Variants in PRKN observed in about 807,000 individuals in gnomAD.
PRKN encodes the protein E3 ubiquitin-protein ligase parkin.
PRKN carries 56 observed loss-of-function variants against 59.5 expected under a neutral mutation model. The observed-to-expected ratio is 0.94, with a 90% CI of 0.76 to 1.18. The LOEUF (loss-of-function observed/expected upper bound fraction) is 1.18, where lower values mean the gene tolerates loss of function less well. Ranked by LOEUF, PRKN falls within the 50% of genes most tolerant of loss-of-function variation. The probability of loss-of-function intolerance (pLI) is 0.00; values close to 1 mark genes in which losing one functional copy is unlikely to be tolerated. For synonymous variants in PRKN, 250 were observed against 222.1 expected (o/e 1.13, Z -1.12); for missense variants, 657 against 596.4 (o/e 1.10, Z -1.06).
intron 2 of PRKN, among the ~76,000 whole-genome samples, chr6:162,380,331 T>C (rs1048148777): frequency 1.3e-5 from 2 of 150,888 alleles, no homozygotes; most frequent in East Asian, 2.0e-4. Context: ...GGTATCATCA[T>C]AGAGAACAGC....
At chr6:161,910,667 A>C (rs994974707) in intron 6 of PRKN, among the ~76,000 whole-genome samples, 3 of 152,236 alleles carry the variant, frequency 2.0e-5, no homozygotes, top group Non-Finnish European at 4.4e-5. Flanking sequence ...AATGCTATCA[A>C]ACAGCATCAT....
intron 7 of PRKN, among the ~76,000 whole-genome samples, chr6:161,775,883 A>G (rs1178050728): frequency 1.3e-5 from 2 of 152,192 alleles, no homozygotes; most frequent in African/African-American, 4.8e-5. Flanking sequence ...ATAACGGACT[A>G]TAGTTGGTGA....
chr6:162,533,970 C>CAAAAAAA (rs139214272), intron 1 of PRKN, among the ~76,000 whole-genome samples: 2 of 82,936 alleles, frequency 2.4e-5, no homozygotes, highest in Non-Finnish European at 2.2e-5. Context: ...GACTCCATCT[C>CAAAAAAA]AAAAAAAAAA....
chr6:161,434,666 G>C (rs1233021449), intron 9 of PRKN, among the ~76,000 whole-genome samples: 2 of 152,152 alleles, frequency 1.3e-5, no homozygotes, highest in African/African-American at 4.8e-5. Flanking sequence ...TTTCTCATTT[G>C]TAAAATGAGG....
At chr6:162,196,871 A>C (rs1784514814) in intron 4 of PRKN, among the ~76,000 whole-genome samples, 1 of 152,248 alleles carries the variant, frequency 6.6e-6, no homozygotes, top group Admixed American at 6.5e-5. Flanking sequence ...GTTAGAATTA[A>C]GAACAAATCA....
intron 7 of PRKN, among the ~76,000 whole-genome samples, chr6:161,598,194 C>T (rs962605393): frequency 2.0e-5 from 3 of 152,170 alleles, no homozygotes; most frequent in Non-Finnish European, 4.4e-5. Context: ...CAACTATGCT[C>T]GATGCCTAGT....
chr6:162,707,334 G>A (rs1447848274), intron 1 of PRKN, among the ~76,000 whole-genome samples: 5 of 152,090 alleles, frequency 3.3e-5, no homozygotes, highest in Admixed American at 1.3e-4. Context: ...TTTTACACTT[G>A]TACTATTGCT....
At chr6:162,034,643 A>G (rs1187493734) in intron 5 of PRKN, among the ~76,000 whole-genome samples, 1 of 152,266 alleles carries the variant, frequency 6.6e-6, no homozygotes. Flanking sequence ...TTTTCCAAGT[A>G]GCCTTATAAA....
chr6:161,674,694 T>C (rs984770829), intron 7 of PRKN, among the ~76,000 whole-genome samples: 1 of 152,204 alleles, frequency 6.6e-6, no homozygotes, highest in Admixed American at 6.5e-5. Context: ...ACTGATGCTA[T>C]TTTTTCCTTC....
At chr6:161,996,495 T>C (rs1370133959) in intron 5 of PRKN, among the ~76,000 whole-genome samples, 1 of 152,038 alleles carries the variant, frequency 6.6e-6, no homozygotes, top group Non-Finnish European at 1.5e-5. Context: ...AAAATAATAC[T>C]GTAATCTCTA....
intron 2 of PRKN, among the ~76,000 whole-genome samples, chr6:162,377,289 A>G (rs1786163255): frequency 6.6e-6 from 1 of 152,192 alleles, no homozygotes; most frequent in Non-Finnish European, 1.5e-5. Flanking sequence ...GAATGTGCAT[A>G]CAAATTCCAT....
rs571850104 is a variant in PRKN at position 162,557,680 on chromosome 6, T to C, written c.8-114207A>G. 4.6e-5 allele frequency among the ~76,000 whole-genome samples: 7 copies of C among 152,286 alleles called. No homozygotes were observed. In the South Asian group the frequency reaches 6.2e-4, roughly 14 times the overall value. ...GCCCGCCATCACACCCAGCTAATTTTTGTATTTTTAGTAGAGATGAGGTTT... is the reference window on the plus strand; with the variant it reads ...GCCCGCCATCACACCCAGCTAATTTCTGTATTTTTAGTAGAGATGAGGTTT... On this transcript the variant is annotated intron_variant, in intron 1 of 11. Coordinates refer to ENST00000366898, the MANE Select transcript of PRKN (RefSeq NM_004562.3).
chr6:161,569,614 C>T (rs543686663), intron 7 of PRKN, among the ~76,000 whole-genome samples, 198 bp from the exon 8 acceptor site: 1 of 152,314 alleles, frequency 6.6e-6, no homozygotes, highest in East Asian at 1.9e-4. Flanking sequence ...TGGCCTCCAA[C>T]CGCACCTCTT....
intron 4 of PRKN, among the ~76,000 whole-genome samples, chr6:162,104,721 CTTTTAGGGGTGGG>C (rs1780117796): frequency 6.6e-6 from 1 of 152,082 alleles, no homozygotes; most frequent in Non-Finnish European, 1.5e-5. Context: ...ACGTTCCACA[CTTTTAGGGGTGGG>C]GATCAAAAAG....
At chr6:161,697,996 A>G (rs1786092541) in intron 7 of PRKN, among the ~76,000 whole-genome samples, 1 of 152,158 alleles carries the variant, frequency 6.6e-6, no homozygotes. Flanking sequence ...TTAATGGGCC[A>G]TAATTTCACA....
intron 6 of PRKN, among the ~76,000 whole-genome samples, chr6:161,798,898 A>G (rs1038085490): frequency 6.6e-6 from 1 of 152,088 alleles, no homozygotes; most frequent in African/African-American, 2.4e-5. Flanking sequence ...GCGCCCCTCC[A>G]CTGTGCTCGG....
chr6:162,120,355 C>T (rs930762867), intron 4 of PRKN, among the ~76,000 whole-genome samples: 13 of 152,192 alleles, frequency 8.5e-5, no homozygotes, highest in Admixed American at 2.6e-4. Flanking sequence ...TATCACTAGA[C>T]TTCTAGCCAT....
At chr6:161,936,786 A>AT (rs1491572916) in intron 6 of PRKN, among the ~76,000 whole-genome samples, 1 of 127,084 alleles carries the variant, frequency 7.9e-6, no homozygotes, top group Non-Finnish European at 1.6e-5. Context: ...TTTTTGTTTC[A>AT]TATTTTTTTT....
rs370918299 is a variant in PRKN at position 162,566,856 on chromosome 6, A to T, written c.8-123383T>A. Among the ~76,000 whole-genome samples, 11 of 152,318 alleles carry T rather than the reference A, an allele frequency of 7.2e-5. No homozygotes were observed. In the East Asian group the frequency reaches 1.3e-3, roughly 19 times the overall value. On this transcript the variant is annotated intron_variant, in intron 1 of 11. Transcript: ENST00000366898. ...AGAAAACTACAGGCCAATATTTCTGATGAATATTGATGCAAAAATCCTCAA... is the reference window on the plus strand; with the variant it reads ...AGAAAACTACAGGCCAATATTTCTGTTGAATATTGATGCAAAAATCCTCAA...
Sources: allele counts gnomAD v4.1 joint callset (sites outside exome capture counted in the v4.1 genomes callset), GRCh38; gene constraint gnomAD v4.1.1; transcripts MANE v1.5; gene names NCBI Gene and HGNC (gene_info 2026-07-23, HGNC 2026-07-21).